Variants in CD109 observed in about 807,000 individuals in gnomAD.
The protein encoded by CD109 is CD109 molecule.
In CD109, 149 loss-of-function variants were observed where a neutral mutation model predicts 165.8. The ratio of observed to expected loss-of-function variants is 0.90; its 90% CI spans 0.79 to 1.03. CD109 has a LOEUF of 1.03. Ranked by LOEUF, CD109 falls within the 50% of genes least tolerant of loss-of-function variation. The pLI is 0.00. For missense variants in CD109, 1,712 were observed against 1,677.8 expected, an observed-to-expected ratio of 1.02 and a Z score of -0.36; for synonymous variants, 585 against 592.1, an observed-to-expected ratio of 0.99 and a Z score of 0.18.
At chr6:73,698,948 T>C (rs1397939776) in intron 2 of CD109, among the ~76,000 whole-genome samples, 3 of 152,192 alleles carry the variant, frequency 2.0e-5, no homozygotes, top group Non-Finnish European at 4.4e-5. Context: ...GTTATAAAGT[T>C]AAAATCTGTA....
intron 2 of CD109, among the ~76,000 whole-genome samples, chr6:73,718,905 A>G (rs1771842284): frequency 1.3e-5 from 2 of 152,286 alleles, no homozygotes; most frequent in East Asian, 1.9e-4. Flanking sequence ...CACAAATTTA[A>G]GTCTTCTATC....
At position 73,823,691 on chromosome 6, in the gene CD109, T is replaced by C. The variant is rs995520945; in HGVS notation, c.*58T>C. 6.8e-7 allele frequency: 1 copy of C among 1,462,986 alleles called. No homozygotes were observed. Among genetic ancestry groups the C allele is most frequent in the East Asian group, 2.3e-5 (1 of 43,708 alleles). 90.6% of individuals were successfully genotyped at this position (1,462,986 alleles called of 1,614,324 possible). A position where few individuals can be genotyped will look rare whatever the true frequency, so the allele number is the denominator to read the frequency against. On this transcript the variant is annotated 3_prime_UTR_variant, in exon 33 of 33. Coordinates refer to ENST00000287097, the MANE Select transcript of CD109 (RefSeq NM_133493.5). ...ATTTCCAGTAGTCACATGTGATTGT[T>C]TTGTTTTCGTAGAAGAATACTGCTT... is the stretch of plus-strand genomic sequence containing the variant.
At position 73,808,112 on chromosome 6, in the gene CD109, T is replaced by G; in HGVS notation, c.3219T>G (p.His1073Gln). ...QPNIDVQESI[H>Q]FLESEFSRGI... ...ACATTGATGTGCAAGAGTCTATCCATTTTTTGGAGTCTGAATTCAGTAGAG... is the reference window on the plus strand; with the variant it reads ...ACATTGATGTGCAAGAGTCTATCCAGTTTTTGGAGTCTGAATTCAGTAGAG... The change falls in exon 26 of 33, where the codon CAT becomes CAG. Residue 1073 changes from histidine to glutamine, a missense_variant. His to Gln is a conservative substitution (Grantham distance 24). Transcript: ENST00000287097. 6.2e-7 allele frequency: 1 copy of G among 1,613,024 alleles called. No individual in the cohort carries two copies. Among genetic ancestry groups the G allele is most frequent in the Non-Finnish European group, 8.5e-7 (1 of 1,179,392 alleles).
chr6:73,707,912 AT>A (rs1771343918), intron 2 of CD109, among the ~76,000 whole-genome samples: 1 of 143,084 alleles, frequency 7.0e-6, no homozygotes, highest in Non-Finnish European at 1.5e-5. Flanking sequence ...ATTAGTTATT[AT>A]TTTCTCTTTT....
intron 29 of CD109, among the ~76,000 whole-genome samples, chr6:73,814,203 T>G (rs555955746): frequency 1.6e-4 from 25 of 152,164 alleles, no homozygotes; most frequent in African/African-American, 6.0e-4. Context: ...TGTATGTGTT[T>G]TAGGTATAAG....
At chr6:73,700,287 T>C (rs566454768) in intron 2 of CD109, among the ~76,000 whole-genome samples, 6 of 151,806 alleles carry the variant, frequency 4.0e-5, no homozygotes, top group African/African-American at 1.2e-4. Context: ...GGTCTTGCTA[T>C]GTTGCCCAGA....
intron 2 of CD109, among the ~76,000 whole-genome samples, chr6:73,706,477 G>T (rs1195615209): frequency 6.6e-6 from 1 of 152,214 alleles, no homozygotes; most frequent in African/African-American, 2.4e-5. Context: ...TACTGCCATG[G>T]TTGTCAGTGA....
At chr6:73,728,118 C>T (rs1289407753) in intron 3 of CD109, among the ~76,000 whole-genome samples, 1 of 152,096 alleles carries the variant, frequency 6.6e-6, no homozygotes, top group African/African-American at 2.4e-5. Context: ...TTCAGGAATT[C>T]GAAACCAGCC....
In CD109 at chr6:73,788,560, A is replaced by G. The variant is rs151140705; in HGVS notation, c.2649A>G (p.Ser883=). The change falls in exon 22 of 33, where the codon TCA becomes TCG. Residue 883 remains serine, a synonymous_variant. Transcript: ENST00000287097. The stretch of plus-strand genomic sequence containing the variant: ...GTACCCTGAAAACTTTGAGTTTCTC[A>G]TTTCCTCCTAATACAGTGACTGGCA... ...LQSTLKTLSF[S]FPPNTVTGSE... 399 of 1,613,594 alleles carry G rather than the reference A, an allele frequency of 2.5e-4. 2 individuals are homozygous for G. The highest frequency in any genetic ancestry group is 9.7e-5 in the Non-Finnish European group (115 of 1,179,830).
intron 15 of CD109, among the ~76,000 whole-genome samples, chr6:73,780,161 C>T (rs1774424486): frequency 6.6e-6 from 1 of 152,068 alleles, no homozygotes; most frequent in Non-Finnish European, 1.5e-5. Flanking sequence ...CAAACAGTAA[C>T]ATCTAAGTTC....
chr6:73,804,068 A>G (rs1264136450), intron 24 of CD109: 5 of 152,236 alleles, frequency 3.3e-5, no homozygotes. Flanking sequence ...ACTGGCAATT[A>G]GAGACTTCAT....
intron 17 of CD109, among the ~76,000 whole-genome samples, chr6:73,782,095 T>G (rs1300801625): frequency 2.0e-5 from 3 of 152,220 alleles, no homozygotes; most frequent in African/African-American, 7.2e-5. Context: ...TATCCCTGAA[T>G]TCCCTGTTTC....
At chr6:73,741,765 G>A (rs1389959982) in intron 5 of CD109, among the ~76,000 whole-genome samples, 1 of 152,114 alleles carries the variant, frequency 6.6e-6, no homozygotes, top group East Asian at 1.9e-4. Flanking sequence ...CCACCTCCCA[G>A]GTTGAAGTGA....
At chr6:73,703,633 G>C (rs1349346372) in intron 2 of CD109, among the ~76,000 whole-genome samples, 2 of 152,190 alleles carry the variant, frequency 1.3e-5, no homozygotes, top group Non-Finnish European at 2.9e-5. Flanking sequence ...ATTTACAAAT[G>C]CTGATTCTTC....
chr6:73,764,688 T>C (rs1582122474), intron 10 of CD109, among the ~76,000 whole-genome samples: 1 of 152,158 alleles, frequency 6.6e-6, no homozygotes, highest in Admixed American at 6.5e-5. Flanking sequence ...TGGTGGCACA[T>C]GCCTGTAATT....
chr6:73,805,171 T>G (rs182927020), intron 24 of CD109, among the ~76,000 whole-genome samples: 99 of 152,338 alleles, frequency 6.5e-4, no homozygotes, highest in Non-Finnish European at 8.5e-4. Context: ...ATTGTTACCG[T>G]GTCTGTGTAG....
Position 73,827,253 on chromosome 6 carries a change from T to G in CD109, c.*3620T>G, listed in dbSNP as rs1382983649. 1 of 152,202 alleles carries G rather than the reference T, an allele frequency of 6.6e-6. No homozygotes were observed. Among genetic ancestry groups the G allele is most frequent in the Non-Finnish European group, 1.5e-5 (1 of 68,036 alleles). The allele number at this position is 152,202 out of a possible 1,614,324, so 9.4% of individuals were successfully genotyped here. On this transcript the variant is annotated 3_prime_UTR_variant, in exon 33 of 33. Coordinates refer to ENST00000287097, the MANE Select transcript of CD109 (RefSeq NM_133493.5). ...GTTACCATGGGGCAAGGTGCCATGA[T>G]GTATTCTTGGGTGCATTGGTTTTTT... is the stretch of plus-strand genomic sequence containing the variant.
chr6:73,783,627 T>A, intron 18 of CD109, 80 bp from the exon 19 acceptor site: 1 of 816,566 alleles, frequency 1.2e-6, no homozygotes, highest in Non-Finnish European at 2.1e-6. Context: ...CTTCCAAAAA[T>A]AGTTTAGATT....
upstream of CD109, among the ~76,000 whole-genome samples, chr6:73,692,258 G>T (rs1770703583): frequency 6.6e-6 from 1 of 152,134 alleles, no homozygotes; most frequent in African/African-American, 2.4e-5. Context: ...CAGGAACAGT[G>T]TGGGGTTCTT....
Sources: gnomAD v4.1 joint callset for allele counts (sites outside exome capture counted in the v4.1 genomes callset) on GRCh38, gnomAD v4.1.1 for gene constraint, MANE v1.5 for transcripts, NCBI Gene and HGNC (gene_info 2026-07-23, HGNC 2026-07-21) for gene names.